HIF3A: variants seen among roughly 807,000 people sequenced by gnomAD.
The protein encoded by HIF3A is hypoxia-inducible factor 3-alpha.
In HIF3A, 41 loss-of-function variants were observed where a neutral mutation model predicts 67.2. The observed-to-expected ratio is 0.61, with a 90% CI of 0.48 to 0.79. The LOEUF is 0.79. Among genes scored for constraint, HIF3A ranks in the 30% least tolerant of loss-of-function variants. The pLI is 0.00. For synonymous variants in HIF3A, 356 were observed against 374.8 expected, an observed-to-expected ratio of 0.95 and a Z score of 0.58; for missense variants, 855 against 898.0, an observed-to-expected ratio of 0.95 and a Z score of 0.61.
At chr19:46,298,548 C>A (rs1441202478) in intron 1 of HIF3A, 1 of 1,244,048 alleles carries the variant, frequency 8.0e-7, no homozygotes, top group South Asian at 1.4e-5. Context: ...TTTCCCCCTT[C>A]CCTTCCTCTA....
rs905413306 is a variant in HIF3A at position 46,309,070 on chromosome 19, C to T, written c.562-81C>T. On this transcript the variant is annotated intron_variant, in intron 5 of 14. Transcript: ENST00000377670. Reference sequence around the variant, plus strand: ...TTGGAATCTCAGCTCCCTGATGGGCCCTCAGGACGCATCTTCCAACCCCAT... The same window carrying T: ...TTGGAATCTCAGCTCCCTGATGGGCTCTCAGGACGCATCTTCCAACCCCAT... 4 of 1,200,180 alleles carry T rather than the reference C, an allele frequency of 3.3e-6. No individual in the cohort carries two copies. The African/African-American group carries it at 4.5e-5, about 14-fold the overall frequency. The allele number at this position is 1,200,180 out of a possible 1,614,324, so 74.3% of individuals were successfully genotyped here. A position where few individuals can be genotyped will look rare whatever the true frequency, so the allele number is the denominator to read the frequency against.
At chr19:46,324,245 C>T (rs1970593549) in intron 10 of HIF3A, among the ~76,000 whole-genome samples, 1 of 152,196 alleles carries the variant, frequency 6.6e-6, no homozygotes, top group Non-Finnish European at 1.5e-5. Context: ...ATTGGTTATT[C>T]TGAGCATTAA....
chr19:46,311,928 C>T (rs763452993), intron 6 of HIF3A: 26 of 724,716 alleles, frequency 3.6e-5, no homozygotes, highest in Middle Eastern at 2.3e-4. Flanking sequence ...CCTTTAGCCA[C>T]GTAAGAGACC....
intron 12 of HIF3A, among the ~76,000 whole-genome samples, chr19:46,329,944 G>T (rs1271097558): frequency 8.3e-6 from 1 of 120,162 alleles, no homozygotes; most frequent in Non-Finnish European, 1.7e-5. Context: ...CTGGGCAATG[G>T]TGAGACCCTG....
intron 10 of HIF3A, among the ~76,000 whole-genome samples, chr19:46,323,694 G>A (rs908403845): frequency 3.3e-5 from 5 of 152,122 alleles, no homozygotes; most frequent in Admixed American, 2.6e-4. Flanking sequence ...AAGAAAAAAA[G>A]ATTTAATGGA....
chr19:46,319,876 C>T (rs1396085197), intron 8 of HIF3A, among the ~76,000 whole-genome samples: 1 of 152,122 alleles, frequency 6.6e-6, no homozygotes, highest in East Asian at 1.9e-4. Flanking sequence ...GCTCTTTTTT[C>T]TGCCTTTCCT....
At chr19:46,330,465 G>A (rs1268766657) in intron 12 of HIF3A, among the ~76,000 whole-genome samples, 1 of 152,054 alleles carries the variant, frequency 6.6e-6, no homozygotes, top group Non-Finnish European at 1.5e-5. Flanking sequence ...GATGGTGGAT[G>A]GATGGATGAA....
chr19:46,323,177 A>G (rs567698029), intron 10 of HIF3A, among the ~76,000 whole-genome samples: 3 of 152,020 alleles, frequency 2.0e-5, no homozygotes, highest in East Asian at 3.9e-4. Flanking sequence ...CAGCCTCCCA[A>G]GTAGCTGAGA....
At chr19:46,308,628 C>A in intron 4 of HIF3A, 35 bp from the exon 5 acceptor site, 1 of 1,339,346 alleles carries the variant, frequency 7.5e-7, no homozygotes. Flanking sequence ...TGTGTAGCTG[C>A]CTGTGACCTC....
At chr19:46,301,003 C>T (rs1298042566) in intron 1 of HIF3A, among the ~76,000 whole-genome samples, 2 of 152,066 alleles carry the variant, frequency 1.3e-5, no homozygotes, top group Non-Finnish European at 1.5e-5. Context: ...CCCCCAGCTC[C>T]GTGAGGCCCT....
intron 6 of HIF3A, chr19:46,310,615 C>T (rs1401046703): frequency 4.4e-6 from 2 of 456,132 alleles, no homozygotes; most frequent in Non-Finnish European, 8.8e-6. Flanking sequence ...GACTTCACCT[C>T]TCTGTGCCAC....
At chr19:46,327,116 C>T (rs1252293822) in intron 11 of HIF3A, among the ~76,000 whole-genome samples, 1 of 151,986 alleles carries the variant, frequency 6.6e-6, no homozygotes, top group African/African-American at 2.4e-5. Context: ...GATTGTGCCA[C>T]TGCACTCCAG....
At chr19:46,305,085 C>A in intron 2 of HIF3A, 160 bp from the exon 3 acceptor site, 1 of 999,678 alleles carries the variant, frequency 1.0e-6, no homozygotes, top group Non-Finnish European at 1.6e-6. Context: ...CTGCTTTCTT[C>A]CTTGGGAATC....
At chr19:46,333,555 C>T (rs1225345198) in intron 13 of HIF3A, among the ~76,000 whole-genome samples, 1 of 151,944 alleles carries the variant, frequency 6.6e-6, no homozygotes, top group Non-Finnish European at 1.5e-5. Context: ...CATGCTGTCA[C>T]GGTCTCTGTG....
rs780563217 is a variant in HIF3A, at chr19:46,321,825, C to G, written c.1194C>G (p.Ser398Arg). 1.9e-6 allele frequency: 3 copies of G among 1,613,768 alleles called. No individual in the cohort carries two copies. Among genetic ancestry groups the G allele is most frequent in the East Asian group, 2.2e-5 (1 of 44,872 alleles). The change falls in exon 10 of 15, where the codon AGC (serine) becomes AGG (arginine). Residue 398 changes from serine to arginine, a missense_variant. Coordinates refer to ENST00000377670, the MANE Select transcript of HIF3A (RefSeq NM_152795.4). ...ILAFLHPPSL[S>R]EAALAADPRR... ...CCTTCCTGCACCCGCCTTCCCTGAG[C>G]GAGGCTGCCCTGGCCGCTGACCCCC...
rs188709172 is a variant in HIF3A, at chr19:46,331,370, G to T, written c.1830+97G>T. ...AGGAAACCAGAGAGGGGCAGGGGCTGGTTGAGGGTCATACAGAAAGTCAGT... is the reference window on the plus strand; with the variant it reads ...AGGAAACCAGAGAGGGGCAGGGGCTTGTTGAGGGTCATACAGAAAGTCAGT... On this transcript the variant is annotated intron_variant, in intron 13 of 14. Transcript: ENST00000377670. 10 of 937,630 alleles carry T rather than the reference G, an allele frequency of 1.1e-5. No individual in the cohort carries two copies. The East Asian group carries it at 2.2e-4, about 21-fold the overall frequency. The allele number at this position is 937,630 out of a possible 1,614,324, so 58.1% of individuals were successfully genotyped here.
At position 46,340,338 on chromosome 19, in the gene HIF3A, C is replaced by T; in HGVS notation, c.*716C>T. 1 of 153,102 alleles carries T rather than the reference C, an allele frequency of 6.5e-6. No individual in the cohort carries two copies. Among genetic ancestry groups the T allele is most frequent in the Non-Finnish European group, 1.5e-5 (1 of 68,652 alleles). The allele number at this position is 153,102 out of a possible 1,614,324, so 9.5% of individuals were successfully genotyped here. On this transcript the variant is annotated 3_prime_UTR_variant, in exon 15 of 15. Transcript: ENST00000377670. ...TACTTCAGGGGCAGCCTCCCAGTTC[C>T]TCTGCTTCCAAACTATGCAACCTCC...
At position 46,341,460 on chromosome 19, in the gene HIF3A, A is replaced by G. The variant is rs1971932936; in HGVS notation, c.*1838A>G. 1 of 152,042 alleles carries G rather than the reference A, an allele frequency of 6.6e-6. No individual in the cohort carries two copies. The highest frequency in any genetic ancestry group is 1.5e-5 in the Non-Finnish European group (1 of 68,026). 9.4% of individuals were successfully genotyped at this position (152,042 alleles called of 1,614,324 possible). A position where few individuals can be genotyped will look rare whatever the true frequency, so the allele number is the denominator to read the frequency against. ...ACTGATCCACCCGCCTCAGCCTCCC[A>G]AAGTGCTGAAATTACAGGAGTGAGC... On this transcript the variant is annotated 3_prime_UTR_variant, in exon 15 of 15. Coordinates refer to ENST00000377670, the MANE Select transcript of HIF3A (RefSeq NM_152795.4).
rs755833063 is a variant in HIF3A, at chr19:46,305,271, G to A, written c.244G>A (p.Gly82Arg). Residue 82 changes from glycine to arginine, a missense_variant, in exon 3 of 15, where the codon GGA (glycine) becomes AGA (arginine). Physicochemically the swap from Gly to Arg is moderately radical, Grantham distance 125. Transcript: ENST00000377670. ...GGAGTGGAACCAGGTGGGAGCAGGG[G>A]GAGAACCACTGGATGCCTGCTACCT... ...AGEWNQVGAGGEPLDACYLKA... is the reference protein window; with the variant it reads ...AGEWNQVGAGREPLDACYLKA... 8 of 1,614,068 alleles carry A rather than the reference G, an allele frequency of 5.0e-6. No homozygotes were observed. The highest frequency in any genetic ancestry group is 5.9e-6 in the Non-Finnish European group (7 of 1,180,018).
Sources: gnomAD v4.1 joint callset for allele counts (sites outside exome capture counted in the v4.1 genomes callset) on GRCh38, gnomAD v4.1.1 for gene constraint, MANE v1.5 for transcripts, NCBI Gene and HGNC (gene_info 2026-07-23, HGNC 2026-07-21) for gene names.